Variants in ANKRD46 observed in about 807,000 individuals in gnomAD.
ANKRD46 encodes the protein ankyrin repeat domain-containing protein 46.
Under a neutral mutation model 19.8 loss-of-function variants are expected in ANKRD46, and 13 were observed. That is an observed-to-expected ratio of 0.66 (90% CI 0.43 to 1.04). The LOEUF is 1.04. Among genes scored for constraint, ANKRD46 ranks in the 50% least tolerant of loss-of-function variants. The pLI is 0.00. For synonymous variants in ANKRD46, 91 were observed against 106.9 expected (o/e 0.85, Z 0.92); for missense variants, 185 against 274.8 (o/e 0.67, Z 2.31).
At chr8:100,516,937 G>A (rs1321329898), downstream of ANKRD46, among the ~76,000 whole-genome samples, 1 of 152,156 alleles carries the variant, frequency 6.6e-6, no homozygotes, top group Non-Finnish European at 1.5e-5. Context: ...CATCACAGCA[G>A]GATGGTGACA....
At chr8:100,551,062 G>A in intron 1 of ANKRD46, 1 of 510,672 alleles carries the variant, frequency 2.0e-6, no homozygotes, top group Non-Finnish European at 3.8e-6. Flanking sequence ...CTCGGGGATG[G>A]CCTTGCCCAC....
chr8:100,551,627 T>C (rs573139911), intron 1 of ANKRD46: 204 of 718,082 alleles, frequency 2.8e-4, no homozygotes, highest in Non-Finnish European at 4.5e-4. Context: ...GGTGACAATA[T>C]CCACTTTACT....
intron 5 of ANKRD46, among the ~76,000 whole-genome samples, chr8:100,513,579 C>A (rs1023246043): frequency 6.6e-6 from 1 of 152,136 alleles, no homozygotes; most frequent in African/African-American, 2.4e-5. Context: ...ATAACCACAG[C>A]CTCCACTGTC....
rs1362313816 is a variant in ANKRD46 at position 100,525,279 on chromosome 8, T to C, written c.471-2508A>G. Among the ~76,000 whole-genome samples the C allele has an allele frequency of 1.3e-5, 2 of 152,336 alleles. No homozygotes were observed. The highest frequency in any genetic ancestry group is 3.9e-4 in the East Asian group (2 of 5,190). On this transcript the variant is annotated intron_variant, in intron 4 of 4. Coordinates refer to ENST00000335659, the MANE Select transcript of ANKRD46 (RefSeq NM_001270377.2). This position sits in a 1 kb window ranked among gnomAD's most constrained non-coding sequence, Gnocchi z 4.4. ...GAGACATAATTCACATCCCATAATA[T>C]TTACCTTTTGAAACTGTACAATTCA...
chr8:100,523,995 T>C (rs1314237046), intron 4 of ANKRD46, among the ~76,000 whole-genome samples: 1 of 152,230 alleles, frequency 6.6e-6, no homozygotes, highest in Non-Finnish European at 1.5e-5. Context: ...AGTTCTATCT[T>C]GTACAGTAAG....
Position 100,533,189 on chromosome 8 carries a change from C to T in ANKRD46, c.-28+20G>A, listed in dbSNP as rs1282950158. 2 of 152,164 alleles carry T rather than the reference C, an allele frequency of 1.3e-5. No individual in the cohort carries two copies. The highest frequency in any genetic ancestry group is 2.9e-5 in the Non-Finnish European group (2 of 68,038). The allele number at this position is 152,164 out of a possible 1,614,324, so 9.4% of individuals were successfully genotyped here. A position where few individuals can be genotyped will look rare whatever the true frequency, so the allele number is the denominator to read the frequency against. ...AAGGTTTCACATCTTGTGAGGAAGT[C>T]CACAGTAGTAAATACTCACGTAAGC... On this transcript the variant is annotated intron_variant, in intron 2 of 4. Transcript: ENST00000335659.
Position 100,524,748 on chromosome 8 carries a change from A to G in ANKRD46, c.471-1977T>C, listed in dbSNP as rs1416400641. On this transcript the variant is annotated intron_variant, in intron 4 of 4. Transcript: ENST00000335659. This position sits in a 1 kb window ranked among gnomAD's most constrained non-coding sequence, Gnocchi z 4.3. ...ACATGCCCTTATACATGTTAGGTAT[A>G]AAATGAAAATTCCATGAGCATTCTC... 6.6e-6 allele frequency among the ~76,000 whole-genome samples: 1 copy of G among 152,208 alleles called. No individual in the cohort carries two copies. The highest frequency in any genetic ancestry group is 1.5e-5 in the Non-Finnish European group (1 of 68,034).
chr8:100,510,764 CT>C lies in ANKRD46; in HGVS notation c.637-126del. 1 of 820,484 alleles carries C rather than the reference CT, an allele frequency of 1.2e-6. No homozygotes were observed. The highest frequency in any genetic ancestry group is 2.2e-5 in the South Asian group (1 of 45,934). The allele number at this position is 820,484 out of a possible 1,614,324, so 50.8% of individuals were successfully genotyped here. On this transcript the variant is annotated intron_variant, in intron 5 of 5. Transcript: ENST00000520552. The surrounding 1 kb of genome is among the most constrained non-coding windows in gnomAD (Gnocchi z 4.9). ...ACCAGAAAGCACAGGCTTGCTTCTC[CT>C]CTGCCCATCTCAGCTCTCAACGCTC...
At position 100,536,159 on chromosome 8, in the gene ANKRD46, A is replaced by G. The variant is rs931469218; in HGVS notation, c.-130-2848T>C. On this transcript the variant is annotated intron_variant, in intron 1 of 4. Coordinates refer to ENST00000335659, the MANE Select transcript of ANKRD46 (RefSeq NM_001270377.2). The surrounding 1 kb of genome is among the most constrained non-coding windows in gnomAD (Gnocchi z 4.9). ...TTCAAACAGAATTACAGGCACTAAT[A>G]AAAGTGTGAATAATGAACCAGTAAT... 6.6e-6 allele frequency among the ~76,000 whole-genome samples: 1 copy of G among 152,192 alleles called. No individual in the cohort carries two copies. The highest frequency in any genetic ancestry group is 2.4e-5 in the African/African-American group (1 of 41,458).
intron 1 of ANKRD46, among the ~76,000 whole-genome samples, chr8:100,540,271 A>G (rs996529585): frequency 6.6e-6 from 1 of 152,166 alleles, no homozygotes; most frequent in Non-Finnish European, 1.5e-5. Context: ...GTCTTCATCA[A>G]ACATAAGGGA....
intron 5 of ANKRD46, among the ~76,000 whole-genome samples, chr8:100,514,611 C>CTTT (rs1563922826): frequency 1.3e-4 from 10 of 76,072 alleles, no homozygotes; most frequent in African/African-American, 5.3e-4. Context: ...GTTATTCCTC[C>CTTT]ATCTTCTTTT....
intron 2 of ANKRD46, among the ~76,000 whole-genome samples, chr8:100,531,453 G>C (rs1811961016): frequency 6.6e-6 from 1 of 152,116 alleles, no homozygotes; most frequent in African/African-American, 2.4e-5. Flanking sequence ...CCCAAAATCT[G>C]GGGCTGCCTT....
At position 100,523,242 on chromosome 8, in the gene ANKRD46, A is replaced by G. The variant is rs555037240; in HGVS notation, c.471-471T>C. ...CCATCAAGATATTAAACCACAACAC[A>G]TTCTTGTTATGTTAAATTTAGAAGA... On this transcript the variant is annotated intron_variant, in intron 4 of 4. Transcript: ENST00000335659. 1.2e-4 allele frequency among the ~76,000 whole-genome samples: 19 copies of G among 152,124 alleles called. 1 individual carries two copies. The South Asian group carries it at 3.1e-3, about 25-fold the overall frequency.
chr8:100,547,271 G>A (rs973458045), intron 1 of ANKRD46, among the ~76,000 whole-genome samples: 5 of 152,168 alleles, frequency 3.3e-5, no homozygotes, highest in African/African-American at 1.2e-4. Context: ...GGTGGGAGGT[G>A]ACTGGATCAT....
intron 1 of ANKRD46, chr8:100,551,682 A>T (rs1812393577): frequency 1.6e-6 from 1 of 641,248 alleles, no homozygotes; most frequent in African/African-American, 1.8e-5. Context: ...ATATGGCCCA[A>T]ATCTATTTAC....
intron 1 of ANKRD46, among the ~76,000 whole-genome samples, chr8:100,533,959 C>A (rs17350328): frequency 0.061 from 9,341 of 152,236 alleles, 368 homozygotes; most frequent in Non-Finnish European, 0.078. Flanking sequence ...AGAGAGACTA[C>A]GAGGGCACCC....
intron 5 of ANKRD46, among the ~76,000 whole-genome samples, chr8:100,514,945 C>A (rs890291083): frequency 6.6e-6 from 1 of 152,024 alleles, no homozygotes; most frequent in Admixed American, 6.6e-5. Context: ...CAGCCTTATT[C>A]CCCCATCTTT....
In ANKRD46 at chr8:100,524,775, T is replaced by C. The variant is rs1307608565; in HGVS notation, c.471-2004A>G. Among the ~76,000 whole-genome samples the C allele has an allele frequency of 6.6e-6, 1 of 152,202 alleles. No homozygotes were observed. The highest frequency in any genetic ancestry group is 2.4e-5 in the African/African-American group (1 of 41,458). On this transcript the variant is annotated intron_variant, in intron 4 of 4. Transcript: ENST00000335659. The surrounding 1 kb of genome is among the most constrained non-coding windows in gnomAD (Gnocchi z 4.3). Reference sequence around the variant, plus strand: ...AATGAAAATTCCATGAGCATTCTCATTGTTCTTCAGAGCTCATGAAGCTCT... The same window carrying C: ...AATGAAAATTCCATGAGCATTCTCACTGTTCTTCAGAGCTCATGAAGCTCT...
chr8:100,522,703 C>T lies in ANKRD46; in HGVS notation c.539G>A (p.Arg180Gln), dbSNP rs577749731. 1.4e-5 allele frequency: 22 copies of T among 1,613,898 alleles called. No homozygotes were observed. Among genetic ancestry groups the T allele is most frequent in the East Asian group, 2.2e-5 (1 of 44,888 alleles). ...QQGEGVLSSF[R>Q]TTWQEFVEDL... Reference sequence around the variant, plus strand: ...CTCCACAAACTCCTGCCACGTGGTTCGGAAGCTGGAGAGGACTCCTTCACC... The same window carrying T: ...CTCCACAAACTCCTGCCACGTGGTTTGGAAGCTGGAGAGGACTCCTTCACC... Residue 180 changes from arginine (R) to glutamine (Q), a missense_variant, in exon 5 of 5, where the codon CGA (arginine) becomes CAA (glutamine). Transcript: ENST00000335659.
Sources: gnomAD v4.1 joint callset for allele counts (sites outside exome capture counted in the v4.1 genomes callset) on GRCh38, gnomAD v4.1.1 for gene constraint, Gnocchi (gnomAD v3.1) non-coding constraint, MANE v1.5 for transcripts, NCBI Gene and HGNC (gene_info 2026-07-23, HGNC 2026-07-21) for gene names.